The following KIFC3 variants were observed in gnomAD, a reference collection of about 807,000 sequenced individuals.
The protein encoded by KIFC3 is kinesin family member C3.
Under a neutral mutation model 101.8 loss-of-function variants are expected in KIFC3, and 60 were observed. The ratio of observed to expected loss-of-function variants is 0.59; its 90% CI spans 0.48 to 0.73. The LOEUF (loss-of-function observed/expected upper bound fraction) is 0.73, where lower values mean the gene tolerates loss of function less well. Ranked by LOEUF, KIFC3 falls within the 30% of genes least tolerant of loss-of-function variation. KIFC3 has a pLI of 0.00. For missense variants in KIFC3, 966 were observed against 1,137.1 expected, an observed-to-expected ratio of 0.85 and a Z score of 2.16; for synonymous variants, 476 against 482.7, an observed-to-expected ratio of 0.99 and a Z score of 0.18.
intron 2 of KIFC3, among the ~76,000 whole-genome samples, chr16:57,797,038 C>G (rs1207931866): frequency 6.6e-6 from 1 of 152,242 alleles, no homozygotes; most frequent in Non-Finnish European, 1.5e-5. Context: ...GGCTGTGCTG[C>G]TTGGGAGCAG....
chr16:57,838,809 A>G (rs2055748664), intron 1 of KIFC3, among the ~76,000 whole-genome samples: 1 of 152,106 alleles, frequency 6.6e-6, no homozygotes, highest in African/African-American at 2.4e-5. Flanking sequence ...AGTCACCGCA[A>G]ATCCCATCCC....
At chr16:57,813,005 TTG>T (rs1441902538) in intron 1 of KIFC3, among the ~76,000 whole-genome samples, 1 of 152,136 alleles carries the variant, frequency 6.6e-6, no homozygotes, top group African/African-American at 2.4e-5. Flanking sequence ...CTCATTCCAC[TTG>T]TACTGTTTAG....
Position 57,760,001 on chromosome 16 carries a change from T to C in KIFC3, c.2368-165A>G, listed in dbSNP as rs1288684537. 4 of 622,536 alleles carry C rather than the reference T, an allele frequency of 6.4e-6. No homozygotes were observed. The African/African-American group carries it at 7.4e-5, about 12-fold the overall frequency. 38.6% of individuals were successfully genotyped at this position (622,536 alleles called of 1,614,324 possible). ...AGCCTCAGTTATGGCAAGAATTAAA[T>C]GAGATAATTCATGTAAAGAAGTCAA... On this transcript the variant is annotated intron_variant, in intron 17 of 19. Coordinates refer to ENST00000445690, the MANE Select transcript of KIFC3 (RefSeq NM_001130100.2).
chr16:57,795,894 T>TTG (rs1165445619), intron 2 of KIFC3, among the ~76,000 whole-genome samples: 3 of 117,646 alleles, frequency 2.6e-5, no homozygotes, highest in South Asian at 2.5e-4. Context: ...GTTTTTTTTT[T>TTG]TTTTTTTTTT....
Position 57,765,354 on chromosome 16 carries a change from A to AC in KIFC3, c.1512+104dup, listed in dbSNP as rs1161567246. 19 of 1,130,904 alleles carry AC rather than the reference A, an allele frequency of 1.7e-5. No homozygotes were observed. The East Asian group carries it at 4.5e-4, about 27-fold the overall frequency. 70.1% of individuals were successfully genotyped at this position (1,130,904 alleles called of 1,614,324 possible). A position where few individuals can be genotyped will look rare whatever the true frequency, so the allele number is the denominator to read the frequency against. On this transcript the variant is annotated intron_variant, in intron 11 of 19. Coordinates refer to ENST00000445690, the MANE Select transcript of KIFC3 (RefSeq NM_001130100.2). Reference sequence around the variant, plus strand: ...CTGGCTCCCCACTTCTGATTCCTGCACCCCCCACTCTTAACGCTTCTTCCT... The same window carrying AC: ...CTGGCTCCCCACTTCTGATTCCTGCACCCCCCCACTCTTAACGCTTCTTCCT...
intron 1 of KIFC3, among the ~76,000 whole-genome samples, chr16:57,837,554 G>GAAGAAAGAAAGAAAGAAAGA (rs141109331): frequency 0.059 from 5,943 of 99,936 alleles, 237 homozygotes; most frequent in East Asian, 0.087. Context: ...AGGAAGGAAG[G>GAAGAAAGAAAGAAAGAAAGA]AAGAAAGAAA....
In KIFC3 at chr16:57,802,040, A is replaced by G. The variant is rs1046972879; in HGVS notation, c.-40+330T>C. Among the ~76,000 whole-genome samples the G allele has an allele frequency of 5.3e-5, 8 of 152,192 alleles. No homozygotes were observed. The highest frequency in any genetic ancestry group is 8.8e-5 in the Non-Finnish European group (6 of 68,008). On this transcript the variant is annotated intron_variant, in intron 1 of 19. Coordinates refer to ENST00000445690, the MANE Select transcript of KIFC3 (RefSeq NM_001130100.2). The surrounding 1 kb of genome is among the most constrained non-coding windows in gnomAD (Gnocchi z 5.0). ...GTGGGGAAGACGCCAGGAAGGGGAG[A>G]GGGCGGCGCCGATTGACAAGCCCAT...
At chr16:57,794,931 G>T in intron 3 of KIFC3, 68 bp downstream of exon 3, 10 of 1,427,000 alleles carry the variant, frequency 7.0e-6, no homozygotes, top group Non-Finnish European at 9.2e-6. Context: ...CCAGAAGCCT[G>T]GCAGGAACCC....
intron 9 of KIFC3, among the ~76,000 whole-genome samples, chr16:57,768,066 C>T (rs572757035): frequency 2.2e-4 from 33 of 152,002 alleles, no homozygotes; most frequent in African/African-American, 5.5e-4. Context: ...TGGCTCATGC[C>T]GGTAATGCCA....
intron 1 of KIFC3, among the ~76,000 whole-genome samples, chr16:57,812,183 C>T (rs139110237): frequency 0.013 from 1,984 of 151,632 alleles, 21 homozygotes; most frequent in South Asian, 0.023. Flanking sequence ...GCTGGGACTA[C>T]AGGCGCCCGC....
At chr16:57,814,362 G>A (rs2055167702) in intron 1 of KIFC3, among the ~76,000 whole-genome samples, 1 of 152,152 alleles carries the variant, frequency 6.6e-6, no homozygotes, top group South Asian at 2.1e-4. Flanking sequence ...AACTGTGGGG[G>A]ACTGTTAGTC....
chr16:57,846,696 A>G (rs764452122), intron 1 of KIFC3, among the ~76,000 whole-genome samples: 1 of 152,190 alleles, frequency 6.6e-6, no homozygotes, highest in African/African-American at 2.4e-5. Context: ...AGGCTGTACA[A>G]CCGATCCACT....
intron 1 of KIFC3, among the ~76,000 whole-genome samples, chr16:57,843,585 AG>A (rs2149315810): frequency 6.6e-6 from 1 of 152,248 alleles, no homozygotes; most frequent in African/African-American, 2.4e-5. Flanking sequence ...CTGAGACAGG[AG>A]GATCACTTGA....
Position 57,769,062 on chromosome 16 carries a change from G to C in KIFC3, c.1218+533C>G, listed in dbSNP as rs551199167. On this transcript the variant is annotated intron_variant, in intron 9 of 19. Transcript: ENST00000445690. The surrounding 1 kb of genome is among the most constrained non-coding windows in gnomAD (Gnocchi z 4.3). The stretch of plus-strand genomic sequence containing the variant: ...GTTTTTTGTTTGTTTTTGAGATAAA[G>C]TCTCGCTGTCACACAGGCTGAAGTG... Among the ~76,000 whole-genome samples the C allele has an allele frequency of 7.2e-5, 11 of 152,300 alleles. No homozygotes were observed. Among genetic ancestry groups the C allele is most frequent in the African/African-American group, 2.6e-4 (11 of 41,554 alleles).
chr16:57,850,223 C>T (rs1311666040), intron 1 of KIFC3, among the ~76,000 whole-genome samples: 2 of 151,594 alleles, frequency 1.3e-5, no homozygotes, highest in Non-Finnish European at 2.9e-5. Flanking sequence ...GGCAACATAG[C>T]GAGACCCTGT....
At chr16:57,828,064 TG>T (rs2055495325) in intron 1 of KIFC3, among the ~76,000 whole-genome samples, 1 of 152,214 alleles carries the variant, frequency 6.6e-6, no homozygotes. Context: ...GGCTGGGATT[TG>T]TAACCCAGGC....
At chr16:57,835,918 C>G (rs578079921) in intron 1 of KIFC3, among the ~76,000 whole-genome samples, 1 of 152,290 alleles carries the variant, frequency 6.6e-6, no homozygotes, top group African/African-American at 2.4e-5. Context: ...CCACTGCACT[C>G]TAGCCTAGAT....
At position 57,802,054 on chromosome 16, in the gene KIFC3, T is replaced by C. The variant is rs1449948308; in HGVS notation, c.-40+316A>G. ...AGGAAGGGGAGAGGGCGGCGCCGAT[T>C]GACAAGCCCATCCCGGGTAGGGTCT... is the stretch of plus-strand genomic sequence containing the variant. On this transcript the variant is annotated intron_variant, in intron 1 of 19. Transcript: ENST00000445690. The surrounding 1 kb of genome is among the most constrained non-coding windows in gnomAD (Gnocchi z 5.0). Among the ~76,000 whole-genome samples, 2 of 152,212 alleles carry C rather than the reference T, an allele frequency of 1.3e-5. No individual in the cohort carries two copies. The highest frequency in any genetic ancestry group is 2.9e-5 in the Non-Finnish European group (2 of 68,016).
chr16:57,771,939 C>G (rs2051284561), intron 4 of KIFC3, among the ~76,000 whole-genome samples: 1 of 152,206 alleles, frequency 6.6e-6, no homozygotes, highest in Non-Finnish European at 1.5e-5. Context: ...CTCCCTGCTG[C>G]CCCCACCCTA....
Sources: gnomAD v4.1 joint callset for allele counts (sites outside exome capture counted in the v4.1 genomes callset) on GRCh38, gnomAD v4.1.1 for gene constraint, Gnocchi (gnomAD v3.1) non-coding constraint, MANE v1.5 for transcripts, NCBI Gene and HGNC (gene_info 2026-07-23, HGNC 2026-07-21) for gene names.